The following ABTB3 variants were observed in gnomAD, a reference collection of about 807,000 sequenced individuals.
The protein encoded by ABTB3 is ankyrin repeat and BTB domain containing 3.
At chr12:107,557,542 T>C in the ABTB3 span, among the ~76,000 whole-genome samples, 2 of 152,222 alleles carry the variant, frequency 1.3e-5, no homozygotes, top group African/African-American at 4.8e-5. Flanking sequence ...ATTTTTTTCA[T>C]GGTTGATTCT....
the ABTB3 span, among the ~76,000 whole-genome samples, chr12:107,610,682 C>A: frequency 6.6e-6 from 1 of 152,168 alleles, no homozygotes; most frequent in Admixed American, 6.5e-5. Context: ...AGTCCTTCTT[C>A]CATCGTGGTT....
the ABTB3 span, among the ~76,000 whole-genome samples, chr12:107,379,800 C>T: frequency 6.6e-6 from 1 of 152,188 alleles, no homozygotes; most frequent in African/African-American, 2.4e-5. Context: ...TCTAGAAGAA[C>T]AAGGGTCAGT....
the ABTB3 span, among the ~76,000 whole-genome samples, chr12:107,571,453 G>A: frequency 6.6e-6 from 1 of 152,230 alleles, no homozygotes; most frequent in Non-Finnish European, 1.5e-5. Flanking sequence ...TGTTTTTGGA[G>A]GCAGAAGCAG....
chr12:107,381,071 A>G, the ABTB3 span, among the ~76,000 whole-genome samples: 3 of 143,408 alleles, frequency 2.1e-5, no homozygotes, highest in African/African-American at 7.7e-5. Context: ...GTTCCTGACC[A>G]TTCTGTCTAC....
At chr12:107,393,922 T>G in the ABTB3 span, among the ~76,000 whole-genome samples, 12 of 151,966 alleles carry the variant, frequency 7.9e-5, no homozygotes, top group East Asian at 2.1e-3. Context: ...AGAGTGAGAC[T>G]CCATCTCAAA....
the ABTB3 span, chr12:107,610,196 C>A: frequency 1.9e-6 from 3 of 1,614,180 alleles, no homozygotes; most frequent in Admixed American, 3.3e-5. Context: ...TTAGGGCCGA[C>A]GACTGCTTTT....
chr12:107,473,828 G>A, the ABTB3 span, among the ~76,000 whole-genome samples: 2 of 149,906 alleles, frequency 1.3e-5, no homozygotes, highest in East Asian at 3.9e-4. Flanking sequence ...TTGAGACGGA[G>A]TCTTGCTCTG....
chr12:107,546,953 G>T, the ABTB3 span, among the ~76,000 whole-genome samples: 8 of 152,244 alleles, frequency 5.3e-5, no homozygotes, highest in East Asian at 1.5e-3. Flanking sequence ...CAGCACTTTG[G>T]TAGGCCAAGG....
At chr12:107,445,171 T>C in the ABTB3 span, among the ~76,000 whole-genome samples, 1 of 152,220 alleles carries the variant, frequency 6.6e-6, no homozygotes, top group Non-Finnish European at 1.5e-5. Flanking sequence ...TGTCATCATG[T>C]GTCAAGTCTA....
At chr12:107,657,815 T>C in the ABTB3 span, 1 of 1,344,430 alleles carries the variant, frequency 7.4e-7, no homozygotes, top group Non-Finnish European at 1.0e-6. Context: ...GCACCTGTTT[T>C]TGGCTGGGCC....
chr12:107,438,275 T>C, the ABTB3 span, among the ~76,000 whole-genome samples: 1 of 152,144 alleles, frequency 6.6e-6, no homozygotes, highest in Non-Finnish European at 1.5e-5. Flanking sequence ...TTTTCATGCA[T>C]TGACAGATAG....
chr12:107,473,307 A>G, the ABTB3 span, among the ~76,000 whole-genome samples: 1 of 151,764 alleles, frequency 6.6e-6, no homozygotes, highest in Non-Finnish European at 1.5e-5. Flanking sequence ...GGTCACTACC[A>G]TTTCCCACGT....
the ABTB3 span, among the ~76,000 whole-genome samples, chr12:107,475,725 TA>T: frequency 1.6e-4 from 24 of 152,072 alleles, no homozygotes; most frequent in African/African-American, 5.6e-4. Flanking sequence ...CTTTTTTTTT[TA>T]ATGAGGAAAC....
chr12:107,617,003 C>A, the ABTB3 span: 1 of 1,339,110 alleles, frequency 7.5e-7, no homozygotes, highest in Non-Finnish European at 1.1e-6. Context: ...GGAGTGCTGG[C>A]ATCTCACCCA....
At chr12:107,338,643 G>T in the ABTB3 span, among the ~76,000 whole-genome samples, 1 of 152,098 alleles carries the variant, frequency 6.6e-6, no homozygotes, top group Non-Finnish European at 1.5e-5. Context: ...CAAGGAATAC[G>T]TTATGTTGGG....
chr12:107,460,070 T>C, the ABTB3 span, among the ~76,000 whole-genome samples: 2 of 152,214 alleles, frequency 1.3e-5, no homozygotes, highest in Non-Finnish European at 2.9e-5. Context: ...GGCTATTTTC[T>C]CAAGGGGCAA....
At chr12:107,610,564 AT>A in the ABTB3 span, among the ~76,000 whole-genome samples, 1 of 152,232 alleles carries the variant, frequency 6.6e-6, no homozygotes, top group African/African-American at 2.4e-5. Flanking sequence ...GAAGTAGCAC[AT>A]GATCATTGCA....
At chr12:107,610,620 A>G in the ABTB3 span, among the ~76,000 whole-genome samples, 2 of 152,216 alleles carry the variant, frequency 1.3e-5, no homozygotes, top group Non-Finnish European at 2.9e-5. Context: ...TCCAGAAAGG[A>G]AATAATGCCA....
chr12:107,418,672 T>C, the ABTB3 span, among the ~76,000 whole-genome samples: 1 of 152,220 alleles, frequency 6.6e-6, no homozygotes, highest in African/African-American at 2.4e-5. Context: ...GAGAAGGGAG[T>C]TGGTCTGATA....
Sources: allele counts gnomAD v4.1 joint callset (sites outside exome capture counted in the v4.1 genomes callset), GRCh38; gene constraint gnomAD v4.1.1; transcripts MANE v1.5; gene names NCBI Gene and HGNC (gene_info 2026-07-23, HGNC 2026-07-21).